The following GTF3C2 variants were observed in gnomAD, a reference collection of about 807,000 sequenced individuals.
The protein encoded by GTF3C2 is general transcription factor 3C polypeptide 2.
Under a neutral mutation model 117.4 loss-of-function variants are expected in GTF3C2, and 17 were observed. That is an observed-to-expected ratio of 0.14 (90% CI 0.10 to 0.22). The LOEUF is 0.22. GTF3C2 is among the 10% of genes least tolerant of loss of function. The probability of loss-of-function intolerance (pLI) is 1.00; values close to 1 mark genes in which losing one functional copy is unlikely to be tolerated. For missense variants in GTF3C2, 888 were observed against 1,143.6 expected (o/e 0.78, Z 3.22); for synonymous variants, 437 against 427.0 (o/e 1.02, Z -0.29).
chr2:27,355,996 A>G (rs972887069), intron 1 of GTF3C2: 1 of 717,764 alleles, frequency 1.4e-6, no homozygotes, highest in East Asian at 6.5e-5. Context: ...AGAAAACAAT[A>G]GTACAATTGA....
chr2:27,337,524 C>G (rs1680532091), exon 6 of GTF3C2: 2 of 1,612,270 alleles, frequency 1.2e-6, no homozygotes, highest in South Asian at 1.1e-5. Flanking sequence ...GGAATCCACT[C>G]AGCAAACTCC....
At chr2:27,334,833 C>T (rs574916739) in intron 10 of GTF3C2, among the ~76,000 whole-genome samples, 85 of 151,994 alleles carry the variant, frequency 5.6e-4, no homozygotes, top group African/African-American at 2.1e-3. Context: ...TTTGTCGAGA[C>T]GACATCTCAT....
At chr2:27,350,592 G>A (rs566723437) in intron 1 of GTF3C2, 2 of 743,518 alleles carry the variant, frequency 2.7e-6, no homozygotes, top group African/African-American at 1.9e-5. Context: ...TTGAGGCCAG[G>A]AGTTCAAGAT....
chr2:27,337,985 A>G (rs913881816), exon 5 of GTF3C2: 1 of 1,612,102 alleles, frequency 6.2e-7, no homozygotes, highest in African/African-American at 1.3e-5. Flanking sequence ...TTGGTAAGCC[A>G]TTGGGAGCCA....
At chr2:27,336,710 G>A (rs542527114) in intron 7 of GTF3C2, 98 of 366,846 alleles carry the variant, frequency 2.7e-4, no homozygotes, top group Non-Finnish European at 2.2e-4. Flanking sequence ...CCAGGCTCAA[G>A]TGGTTATCCC....
At chr2:27,332,941 C>T (rs2148262952) in intron 12 of GTF3C2, among the ~76,000 whole-genome samples, 1 of 151,930 alleles carries the variant, frequency 6.6e-6, no homozygotes, top group South Asian at 2.1e-4. Flanking sequence ...GTCTCCATCT[C>T]TTGACCTCAT....
intron 4 of GTF3C2, among the ~76,000 whole-genome samples, chr2:27,338,460 G>GCACA (rs59913490): frequency 3.5e-4 from 27 of 76,184 alleles, no homozygotes; most frequent in East Asian, 2.9e-3. Flanking sequence ...GCGCACGCGC[G>GCACA]CACACACACA....
At chr2:27,349,162 T>C (rs1681030920) in intron 1 of GTF3C2, among the ~76,000 whole-genome samples, 1 of 130,316 alleles carries the variant, frequency 7.7e-6, no homozygotes, top group South Asian at 2.5e-4. Context: ...TTTTTTTTTT[T>C]TTTGAGACAG....
At chr2:27,347,257 TAAG>T (rs1680951227) in intron 1 of GTF3C2, among the ~76,000 whole-genome samples, 1 of 152,140 alleles carries the variant, frequency 6.6e-6, no homozygotes, top group Admixed American at 6.6e-5. Flanking sequence ...ATATACGCCT[TAAG>T]AATAAACAAT....
intron 1 of GTF3C2, among the ~76,000 whole-genome samples, chr2:27,353,641 G>C (rs1433192793): frequency 6.6e-6 from 1 of 152,088 alleles, no homozygotes. Flanking sequence ...ATTTCACCAT[G>C]TTGGCCAGGC....
At chr2:27,336,762 C>A (rs915484449) in intron 7 of GTF3C2, 9 of 265,502 alleles carry the variant, frequency 3.4e-5, no homozygotes, top group Non-Finnish European at 6.5e-5. Context: ...GCATATGCCA[C>A]CATACCCCAC....
intron 17 of GTF3C2, among the ~76,000 whole-genome samples, chr2:27,327,807 T>C (rs892225294): frequency 1.3e-5 from 2 of 152,080 alleles, no homozygotes; most frequent in Admixed American, 1.3e-4. Context: ...TTTGTATTTT[T>C]AGTAGAGACG....
At chr2:27,333,886 A>T (rs753607202) in intron 11 of GTF3C2, 88 bp downstream of exon 11, 2 of 1,468,608 alleles carry the variant, frequency 1.4e-6, no homozygotes, top group Non-Finnish European at 9.5e-7. Context: ...GGTATTTTTC[A>T]GAAGTATAAG....
At chr2:27,335,166 C>T (rs1030022903) in intron 10 of GTF3C2, among the ~76,000 whole-genome samples, 17 of 152,186 alleles carry the variant, frequency 1.1e-4, no homozygotes, top group African/African-American at 3.1e-4. Flanking sequence ...ATCTTCAGCT[C>T]TCTATTCCAT....
At chr2:27,337,702 TA>T in intron 5 of GTF3C2, 144 bp from the exon 6 acceptor site, 1 of 722,980 alleles carries the variant, frequency 1.4e-6, no homozygotes. Context: ...ACCAAGCACC[TA>T]AAATGTGGCT....
chr2:27,350,404 C>G, intron 1 of GTF3C2: 1 of 985,374 alleles, frequency 1.0e-6, no homozygotes, highest in Non-Finnish European at 1.2e-6. Context: ...AAAACACTTG[C>G]ATAAATAAAT....
At chr2:27,334,361 T>C (rs1680382802) in intron 10 of GTF3C2, among the ~76,000 whole-genome samples, 1 of 152,146 alleles carries the variant, frequency 6.6e-6, no homozygotes, top group African/African-American at 2.4e-5. Flanking sequence ...CCCATCTTCT[T>C]TCCTTCTGTT....
chr2:27,335,617 C>A, exon 10 of GTF3C2: 1 of 1,551,066 alleles, frequency 6.4e-7, no homozygotes, highest in South Asian at 1.2e-5. Flanking sequence ...GCTGAGCCAG[C>A]AGGGCCTCCG....
intron 7 of GTF3C2, 60 bp downstream of exon 7, chr2:27,337,184 T>C: frequency 3.1e-6 from 3 of 977,256 alleles, no homozygotes; most frequent in Non-Finnish European, 3.2e-6. Context: ...TCTTTCAACA[T>C]TCATTTTTCT....
Sources: allele counts gnomAD v4.1 joint callset (sites outside exome capture counted in the v4.1 genomes callset), GRCh38; gene constraint gnomAD v4.1.1; transcripts MANE v1.5; gene names NCBI Gene and HGNC (gene_info 2026-07-23, HGNC 2026-07-21).